The following YEATS2 variants were observed in gnomAD, a reference collection of about 807,000 sequenced individuals.
The protein encoded by YEATS2 is YEATS domain-containing protein 2.
Under a neutral mutation model 163.2 loss-of-function variants are expected in YEATS2, and 77 were observed. The ratio of observed to expected loss-of-function variants is 0.47; its 90% CI spans 0.39 to 0.57. The LOEUF (loss-of-function observed/expected upper bound fraction) is 0.57, where lower values mean the gene tolerates loss of function less well. YEATS2 is among the 20% of genes least tolerant of loss of function. The probability of loss-of-function intolerance (pLI) is 0.00; values close to 1 mark genes in which losing one functional copy is unlikely to be tolerated. For missense variants in YEATS2, 1,549 were observed against 1,729.8 expected, an observed-to-expected ratio of 0.90 and a Z score of 1.85; for synonymous variants, 631 against 645.1, an observed-to-expected ratio of 0.98 and a Z score of 0.33.
chr3:183,715,593 TA>T (rs1355262939), intron 2 of YEATS2, among the ~76,000 whole-genome samples: 1 of 152,188 alleles, frequency 6.6e-6, no homozygotes, highest in Non-Finnish European at 1.5e-5. Flanking sequence ...GTACATGGAT[TA>T]AGGTTTTTAA....
At chr3:183,791,525 C>G (rs1289756939) in intron 21 of YEATS2, among the ~76,000 whole-genome samples, 2 of 151,998 alleles carry the variant, frequency 1.3e-5, no homozygotes, top group East Asian at 1.9e-4. Context: ...TATAATAAAC[C>G]CTTAGCCACG....
Position 183,724,932 on chromosome 3 carries a change from G to A in YEATS2, c.650+401G>A, listed in dbSNP as rs372565867. On this transcript the variant is annotated intron_variant, in intron 6 of 30. Coordinates refer to ENST00000305135, the MANE Select transcript of YEATS2 (RefSeq NM_018023.5). ...CTAATTTTGTATTTTTAGTAGAGAC[G>A]GGGTTTCTCCATGTTGGTCAGGCTG... Among the ~76,000 whole-genome samples, 15 of 151,946 alleles carry A rather than the reference G, an allele frequency of 9.9e-5. 1 individual carries two copies. The highest frequency in any genetic ancestry group is 3.9e-4 in the East Asian group (2 of 5,164).
At position 183,811,856 on chromosome 3, in the gene YEATS2, C is replaced by T. The variant is rs960639727; in HGVS notation, c.*1273C>T. 2 of 152,338 alleles carry T rather than the reference C, an allele frequency of 1.3e-5. No homozygotes were observed. The highest frequency in any genetic ancestry group is 4.8e-5 in the African/African-American group (2 of 41,570). The allele number at this position is 152,338 out of a possible 1,614,324, so 9.4% of individuals were successfully genotyped here. ...GAGTCAGAGAAACTTACCCAAGCAA[C>T]GTAATTCCTGTTTTCATGGGTCCTG... On this transcript the variant is annotated 3_prime_UTR_variant, in exon 31 of 31. Transcript: ENST00000305135.
rs779170889 is a variant in YEATS2 at position 183,804,188 on chromosome 3, G to A, written c.3784G>A (p.Glu1262Lys). ...GCTGACCCAGATCGACAGCGAGCCC[G>A]GTAAGCCTTCAGTGGCACTGCCCAG... ...DVLTQIDSEP[E>K]CPSSFSSADN... Residue 1262 changes from glutamate (E) to lysine (K), a missense_variant and splice_region_variant, in exon 27 of 31, where the codon GAG becomes AAG. Transcript: ENST00000305135. 12 of 1,613,988 alleles carry A rather than the reference G, an allele frequency of 7.4e-6. No individual in the cohort carries two copies. The East Asian group carries it at 8.9e-5, about 12-fold the overall frequency.
At chr3:183,740,866 A>G (rs1262215329) in intron 8 of YEATS2, among the ~76,000 whole-genome samples, 1 of 152,244 alleles carries the variant, frequency 6.6e-6, no homozygotes, top group Non-Finnish European at 1.5e-5. Flanking sequence ...TTTCATAGCT[A>G]GAGAGGAGAA....
Position 183,784,778 on chromosome 3 carries a change from A to T in YEATS2, c.2737-1347A>T, listed in dbSNP as rs185658571. On this transcript the variant is annotated intron_variant, in intron 19 of 30. Coordinates refer to ENST00000305135, the MANE Select transcript of YEATS2 (RefSeq NM_018023.5). Reference sequence around the variant, plus strand: ...GCCAAAATTGCATACTCTTGCCATTAAAAAAAAAAAAAAAGCCGGGTGTGG... The same window carrying T: ...GCCAAAATTGCATACTCTTGCCATTTAAAAAAAAAAAAAAGCCGGGTGTGG... 0.012 allele frequency among the ~76,000 whole-genome samples: 1,730 copies of T among 140,358 alleles called. 62 individuals carry two copies. The East Asian group carries it at 0.15, about 12-fold the overall frequency. The allele number at this position is 140,358 out of a possible 152,430, so 92.1% of individuals were successfully genotyped here.
chr3:183,758,366 A>AAAAAAT lies in YEATS2; in HGVS notation c.1553-494_1553-493insAAATAA, dbSNP rs1553872605. Among the ~76,000 whole-genome samples the AAAAAAT allele has an allele frequency of 1.9e-3, 281 of 151,296 alleles. 1 individual carries two copies. Among genetic ancestry groups the AAAAAAT allele is most frequent in the African/African-American group, 5.5e-3 (227 of 41,256 alleles). The stretch of plus-strand genomic sequence containing the variant: ...AGCGAGACTCCATCTCAGGAAAAAA[A>AAAAAAT]AATAATAATGTTGGCAGCATTTTGG... On this transcript the variant is annotated intron_variant, in intron 12 of 30. Coordinates refer to ENST00000305135, the MANE Select transcript of YEATS2 (RefSeq NM_018023.5).
intron 21 of YEATS2, 52 bp downstream of exon 21, chr3:183,791,032 A>G: frequency 6.3e-7 from 1 of 1,585,528 alleles, no homozygotes; most frequent in South Asian, 1.1e-5. Context: ...TTGGGCTGGA[A>G]TATTTTTGTT....
intron 1 of YEATS2, among the ~76,000 whole-genome samples, chr3:183,704,059 G>T (rs1472592385): frequency 6.6e-6 from 1 of 151,662 alleles, no homozygotes; most frequent in Non-Finnish European, 1.5e-5. Flanking sequence ...GCTGAGGCAG[G>T]AGAATCACTC....
chr3:183,719,123 A>G (rs936350826), intron 4 of YEATS2, among the ~76,000 whole-genome samples: 3 of 149,686 alleles, frequency 2.0e-5, no homozygotes, highest in Non-Finnish European at 4.4e-5. Context: ...GACTTTCCGC[A>G]TTGTCAATAA....
chr3:183,703,090 A>G (rs1287855939), intron 1 of YEATS2, among the ~76,000 whole-genome samples: 1 of 152,098 alleles, frequency 6.6e-6, no homozygotes, highest in East Asian at 1.9e-4. Context: ...ATAAGACTGA[A>G]ATAATGAGAC....
rs867706832 is a variant in YEATS2 at position 183,798,172 on chromosome 3, G to A, written c.3226+121G>A. On this transcript the variant is annotated intron_variant, in intron 22 of 30. Transcript: ENST00000305135. ...CTTCAGCTGTCACGGTATTCCCAGC[G>A]CCTGTGTACAGCCACCCTTCAGCTG... is the stretch of plus-strand genomic sequence containing the variant. 12 of 1,420,762 alleles carry A rather than the reference G, an allele frequency of 8.4e-6. No individual in the cohort carries two copies. The Middle Eastern group carries it at 2.1e-3, about 243-fold the overall frequency. The allele number at this position is 1,420,762 out of a possible 1,614,324, so 88.0% of individuals were successfully genotyped here. A position where few individuals can be genotyped will look rare whatever the true frequency, so the allele number is the denominator to read the frequency against.
intron 13 of YEATS2, among the ~76,000 whole-genome samples, chr3:183,760,483 C>T (rs886302100): frequency 1.3e-5 from 2 of 151,900 alleles, no homozygotes; most frequent in East Asian, 1.9e-4. Flanking sequence ...GCCCCACGCC[C>T]GGATAATTTT....
intron 5 of YEATS2, 98 bp downstream of exon 5, chr3:183,722,234 T>C (rs1475104245): frequency 7.6e-7 from 1 of 1,310,682 alleles, no homozygotes. Context: ...CACAGGAATC[T>C]TAGGAAATAG....
intron 12 of YEATS2, among the ~76,000 whole-genome samples, chr3:183,757,492 T>G (rs58438018): frequency 4.7e-4 from 71 of 152,126 alleles, no homozygotes; most frequent in African/African-American, 1.7e-3. Context: ...GGTTTCACCA[T>G]GTTGGCCAGG....
intron 20 of YEATS2, among the ~76,000 whole-genome samples, chr3:183,789,692 C>T (rs1356161521): frequency 2.2e-5 from 3 of 138,234 alleles, no homozygotes; most frequent in South Asian, 2.5e-4. Flanking sequence ...CCCACCACCA[C>T]GCCCAGCTAA....
intron 2 of YEATS2, 22 bp downstream of exon 2, chr3:183,715,284 A>G (rs1715723321): frequency 6.4e-7 from 1 of 1,569,282 alleles, no homozygotes; most frequent in Non-Finnish European, 8.7e-7. Context: ...GCCTTAGGAA[A>G]TTATTTCTTT....
At chr3:183,734,270 A>G (rs1174603556) in intron 7 of YEATS2, among the ~76,000 whole-genome samples, 1 of 152,190 alleles carries the variant, frequency 6.6e-6, no homozygotes, top group Non-Finnish European at 1.5e-5. Context: ...CCTTGGGGAC[A>G]TGGACTAGCA....
At chr3:183,713,624 C>T (rs894028187) in intron 1 of YEATS2, among the ~76,000 whole-genome samples, 8 of 152,180 alleles carry the variant, frequency 5.3e-5, no homozygotes, top group Admixed American at 5.2e-4. Context: ...GTACGTGGCT[C>T]ATGTTATATT....
Sources: gnomAD v4.1 joint callset for allele counts (sites outside exome capture counted in the v4.1 genomes callset) on GRCh38, gnomAD v4.1.1 for gene constraint, MANE v1.5 for transcripts, NCBI Gene and HGNC (gene_info 2026-07-23, HGNC 2026-07-21) for gene names.